RHOBTB1: variants seen among roughly 807,000 people sequenced by gnomAD.
RHOBTB1 encodes Rho related BTB domain containing 1.
A neutral mutation model predicts 71.6 loss-of-function variants in RHOBTB1; 40 were observed. That is an observed-to-expected ratio of 0.56 (90% CI 0.43 to 0.73). The LOEUF is 0.73. RHOBTB1 is among the 30% of genes least tolerant of loss of function. The pLI is 0.00. For missense variants in RHOBTB1, 797 were observed against 894.0 expected (o/e 0.89, Z 1.38); for synonymous variants, 319 against 334.9 (o/e 0.95, Z 0.52).
At chr10:60,925,712 A>G (rs2083836578) in intron 2 of RHOBTB1, among the ~76,000 whole-genome samples, 1 of 152,208 alleles carries the variant, frequency 6.6e-6, no homozygotes, top group Non-Finnish European at 1.5e-5. Context: ...ATAAAATCAC[A>G]TATAAAAAAG....
chr10:60,999,301 C>T (rs1381286826), intron 1 of RHOBTB1, among the ~76,000 whole-genome samples: 1 of 152,114 alleles, frequency 6.6e-6, no homozygotes, highest in Admixed American at 6.6e-5. Flanking sequence ...AAAAGACATC[C>T]CCAACTTCAT....
At chr10:60,954,411 C>T (rs895212452) in intron 2 of RHOBTB1, among the ~76,000 whole-genome samples, 3 of 152,138 alleles carry the variant, frequency 2.0e-5, no homozygotes, top group African/African-American at 7.2e-5. Flanking sequence ...AAAACATATT[C>T]AATGAGCACT....
chr10:60,950,670 AATG>A (rs2085379749), intron 2 of RHOBTB1, among the ~76,000 whole-genome samples: 1 of 152,234 alleles, frequency 6.6e-6, no homozygotes. Flanking sequence ...GACTAAATGA[AATG>A]ATGTTTGTGG....
intron 2 of RHOBTB1, among the ~76,000 whole-genome samples, chr10:60,977,293 T>G (rs984370425): frequency 6.6e-6 from 1 of 152,052 alleles, no homozygotes; most frequent in Non-Finnish European, 1.5e-5. Flanking sequence ...TATAATATAA[T>G]GCAATATGGA....
chr10:60,970,066 C>T (rs1002460358), intron 2 of RHOBTB1, among the ~76,000 whole-genome samples: 1 of 151,970 alleles, frequency 6.6e-6, no homozygotes, highest in Non-Finnish European at 1.5e-5. Context: ...CCAGTGCACT[C>T]TCCAGTTGTA....
At chr10:60,936,191 T>C (rs936418954) in intron 2 of RHOBTB1, among the ~76,000 whole-genome samples, 1 of 152,216 alleles carries the variant, frequency 6.6e-6, no homozygotes, top group Non-Finnish European at 1.5e-5. Flanking sequence ...TTTGTCTTAC[T>C]GATTAACATA....
At chr10:60,934,784 G>A (rs988229855) in intron 2 of RHOBTB1, among the ~76,000 whole-genome samples, 12 of 152,164 alleles carry the variant, frequency 7.9e-5, no homozygotes, top group African/African-American at 2.9e-4. Flanking sequence ...GAGAACAAAT[G>A]CAGATATCTT....
intron 10 of RHOBTB1, 29 bp downstream of exon 10, chr10:60,872,156 G>T: frequency 6.8e-7 from 1 of 1,480,498 alleles, no homozygotes; most frequent in Non-Finnish European, 9.5e-7. Flanking sequence ...GAGGAGAGCT[G>T]GATGAATGGG....
intron 2 of RHOBTB1, among the ~76,000 whole-genome samples, chr10:60,968,813 G>T (rs1351467429): frequency 2.0e-5 from 3 of 152,046 alleles, no homozygotes; most frequent in African/African-American, 7.2e-5. Context: ...GATTTCTACA[G>T]GATGTTCGCC....
rs755720383 is a variant in RHOBTB1, at chr10:60,888,594, C to A, written c.1074G>T (p.Gly358=). The change falls in exon 6 of 11, where the codon GGG becomes GGT. Residue 358 remains glycine (G), a synonymous_variant. Coordinates refer to ENST00000337910, the MANE Select transcript of RHOBTB1 (RefSeq NM_014836.5). ...CAGGAACTGCACCCTCGGCTTCCAG[C>A]CCCAGAGCCTCCACCAGGCTCTTGT... ...SSNKSLVEAL[G]LEAEGAVPET... 6.2e-7 allele frequency: 1 copy of A among 1,614,070 alleles called. No individual in the cohort carries two copies. The highest frequency in any genetic ancestry group is 1.3e-5 in the African/African-American group (1 of 74,940).
At chr10:60,862,210 T>G in the RHOBTB1 span, among the ~76,000 whole-genome samples, 1 of 151,924 alleles carries the variant, frequency 6.6e-6, no homozygotes, top group Non-Finnish European at 1.5e-5. Flanking sequence ...TTTCTTTCTT[T>G]TTATTGAGAT....
intron 7 of RHOBTB1, among the ~76,000 whole-genome samples, chr10:60,879,826 A>T (rs2081230564): frequency 6.6e-6 from 1 of 152,156 alleles, no homozygotes; most frequent in Non-Finnish European, 1.5e-5. Flanking sequence ...ACTCAGGCAC[A>T]CACATGCATG....
At chr10:60,899,174 A>G (rs899160670) in intron 4 of RHOBTB1, among the ~76,000 whole-genome samples, 13 of 152,202 alleles carry the variant, frequency 8.5e-5, no homozygotes, top group Non-Finnish European at 8.8e-5. Context: ...TCAGAAGTTG[A>G]ATGCATGTGA....
In RHOBTB1 at chr10:60,886,139, C is replaced by T; in HGVS notation, c.1548G>A (p.Gly516=). The T allele has an allele frequency of 1.2e-6, 2 of 1,613,712 alleles. No individual in the cohort carries two copies. The highest frequency in any genetic ancestry group is 1.7e-6 in the Non-Finnish European group (2 of 1,179,660). The change falls in exon 7 of 11, where the codon GGG becomes GGA. Residue 516 remains glycine, a synonymous_variant. Transcript: ENST00000337910. ...SCEWMAAMFG[G]SFVESANSEV... is the part of the protein sequence containing the mutation. ...CACTGTTGGCACTTTCCACAAATGA[C>T]CCCCCGAACATGGCTGCCATCCACT...
Position 60,874,985 on chromosome 10 carries a change from C to T in RHOBTB1, c.1784G>A (p.Gly595Glu). Reference protein sequence around the residue: ...KAATSGVGIDGEVLSYLELAQ... With the variant: ...KAATSGVGIDEEVLSYLELAQ... ...CAATTCCAAGTAAGAGAGCACTTCT[C>T]CGTCAATGCCCACGCCACTCGTGGC... Residue 595 changes from glycine to glutamate, a missense_variant, in exon 9 of 11, where the codon GGA (glycine) becomes GAA (glutamate). By Grantham distance (98) the Gly-to-Glu change is moderately conservative. This residue lies in a region of RHOBTB1 where 658 missense variants were observed against 681.5 expected (regional missense o/e 0.97). Transcript: ENST00000337910. The T allele has an allele frequency of 6.2e-7, 1 of 1,614,128 alleles. No homozygotes were observed. The highest frequency in any genetic ancestry group is 1.1e-5 in the South Asian group (1 of 91,080).
chr10:60,935,639 A>G (rs1281826407), intron 2 of RHOBTB1, among the ~76,000 whole-genome samples: 1 of 152,146 alleles, frequency 6.6e-6, no homozygotes, highest in Non-Finnish European at 1.5e-5. Flanking sequence ...GCCCACAAGA[A>G]CTAGTTGTTA....
At chr10:60,891,690 T>C (rs2081926781) in intron 5 of RHOBTB1, among the ~76,000 whole-genome samples, 1 of 151,808 alleles carries the variant, frequency 6.6e-6, no homozygotes, top group Non-Finnish European at 1.5e-5. Context: ...AAAGGAGTGC[T>C]CTCCAGCCAA....
Position 60,875,043 on chromosome 10 carries a change from C to T in RHOBTB1, c.1727-1G>A, listed in dbSNP as rs762829289. 6.2e-7 allele frequency: 1 copy of T among 1,613,598 alleles called. No individual in the cohort carries two copies. Among genetic ancestry groups the T allele is most frequent in the Non-Finnish European group, 8.5e-7 (1 of 1,179,548 alleles). ...GTCAACTCCTGAACGGCATGCTGTT[C>T]TGGGGAAGAGAGAGGGGGCAGGAGA... On this transcript the variant is annotated splice_acceptor_variant, in intron 8 of 10. Transcript: ENST00000337910. LOFTEE classifies it high-confidence loss of function.
downstream of RHOBTB1, among the ~76,000 whole-genome samples, chr10:60,868,835 A>T (rs570070565): frequency 7.9e-5 from 12 of 152,326 alleles, no homozygotes; most frequent in African/African-American, 2.9e-4. Flanking sequence ...TCCACCTCTA[A>T]AAGGTGGAAA....
Sources: allele counts gnomAD v4.1 joint callset (sites outside exome capture counted in the v4.1 genomes callset), GRCh38; gene constraint gnomAD v4.1.1; regional missense constraint gnomAD v4.1.1; transcripts MANE v1.5; gene names NCBI Gene and HGNC (gene_info 2026-07-23, HGNC 2026-07-21).